The following AUTS2 variants were observed in gnomAD, a reference collection of about 807,000 sequenced individuals.
AUTS2 encodes autism susceptibility gene 2 protein.
A neutral mutation model predicts 112.4 loss-of-function variants in AUTS2; 17 were observed. The observed-to-expected ratio is 0.15, with a 90% CI of 0.10 to 0.23. The LOEUF (loss-of-function observed/expected upper bound fraction) is 0.23, where lower values mean the gene tolerates loss of function less well. Ranked by LOEUF, AUTS2 falls within the 10% of genes least tolerant of loss-of-function variation. The pLI is 1.00. For missense variants in AUTS2, 1,510 were observed against 1,701.6 expected (o/e 0.89, Z 1.98); for synonymous variants, 751 against 702.7 (o/e 1.07, Z -1.09).
At chr7:69,632,928 A>G (rs1794334556) in intron 1 of AUTS2, among the ~76,000 whole-genome samples, 1 of 152,168 alleles carries the variant, frequency 6.6e-6, no homozygotes, top group South Asian at 2.1e-4. Context: ...TAAAAAGGTT[A>G]CTATATATAG....
intron 3 of AUTS2, among the ~76,000 whole-genome samples, chr7:70,124,485 C>A (rs1266139492): frequency 1.3e-5 from 2 of 151,626 alleles, no homozygotes; most frequent in African/African-American, 4.8e-5. Context: ...TTTTATAGTT[C>A]TGGGTTTTAC....
chr7:70,183,579 G>A (rs1414107086), intron 4 of AUTS2, among the ~76,000 whole-genome samples: 1 of 152,184 alleles, frequency 6.6e-6, no homozygotes, highest in Non-Finnish European at 1.5e-5. Flanking sequence ...AGAGGGACAG[G>A]GCTATCAGCC....
At chr7:69,765,989 A>C (rs879653242) in intron 1 of AUTS2, among the ~76,000 whole-genome samples, 2 of 152,112 alleles carry the variant, frequency 1.3e-5, no homozygotes, top group Non-Finnish European at 2.9e-5. Flanking sequence ...AATAACATAA[A>C]ATTTACCATG....
intron 2 of AUTS2, among the ~76,000 whole-genome samples, chr7:70,083,984 G>T (rs1584694658): frequency 6.6e-6 from 1 of 151,516 alleles, no homozygotes; most frequent in Non-Finnish European, 1.5e-5. Flanking sequence ...ACCCCCAAAA[G>T]TTTCCTCCTT....
At chr7:70,747,047 G>A (rs1004308987) in intron 6 of AUTS2, among the ~76,000 whole-genome samples, 3 of 152,140 alleles carry the variant, frequency 2.0e-5, no homozygotes, top group African/African-American at 7.2e-5. Context: ...AGTGGAAGGG[G>A]GTGGGTGTGA....
Position 69,826,191 on chromosome 7 carries a change from A to G in AUTS2, c.310-73095A>G, listed in dbSNP as rs548365044. 5.9e-5 allele frequency among the ~76,000 whole-genome samples: 9 copies of G among 152,338 alleles called. No homozygotes were observed. In the South Asian group the frequency reaches 1.9e-3, roughly 32 times the overall value. Reference sequence around the variant, plus strand: ...TTTTTTGGTTTGTAGATTGAGAAGTATATTAAGTAAGGATAACCCCTTATA... The same window carrying G: ...TTTTTTGGTTTGTAGATTGAGAAGTGTATTAAGTAAGGATAACCCCTTATA... On this transcript the variant is annotated intron_variant, in intron 1 of 18. Transcript: ENST00000342771.
intron 5 of AUTS2, among the ~76,000 whole-genome samples, chr7:70,496,591 C>G (rs1272017156): frequency 2.3e-5 from 3 of 128,018 alleles, no homozygotes; most frequent in African/African-American, 8.9e-5. Flanking sequence ...GTCACATCAG[C>G]ATCAATCACA....
At chr7:70,056,498 C>T (rs1312984885) in intron 2 of AUTS2, among the ~76,000 whole-genome samples, 1 of 152,172 alleles carries the variant, frequency 6.6e-6, no homozygotes, top group East Asian at 1.9e-4. Flanking sequence ...TTTCTTATCA[C>T]TTGTTCTGTG....
At chr7:69,809,574 C>T (rs993092267) in intron 1 of AUTS2, among the ~76,000 whole-genome samples, 1 of 152,198 alleles carries the variant, frequency 6.6e-6, no homozygotes, top group African/African-American at 2.4e-5. Context: ...TACCCATGCT[C>T]AGAACCTGGG....
At chr7:70,674,249 A>G (rs577711959) in intron 5 of AUTS2, among the ~76,000 whole-genome samples, 26 of 152,338 alleles carry the variant, frequency 1.7e-4, no homozygotes, top group African/African-American at 6.3e-4. Context: ...TCATGCCTTC[A>G]TATTCACAAA....
At chr7:70,246,370 G>T (rs562983122) in intron 4 of AUTS2, among the ~76,000 whole-genome samples, 17 of 152,158 alleles carry the variant, frequency 1.1e-4, no homozygotes, top group Admixed American at 1.0e-3. Flanking sequence ...CTTCATGTAT[G>T]ATGTGAGGTA....
At chr7:69,708,964 G>A (rs2129198609) in intron 1 of AUTS2, among the ~76,000 whole-genome samples, 1 of 152,222 alleles carries the variant, frequency 6.6e-6, no homozygotes, top group Middle Eastern at 3.4e-3. Context: ...TATCAGCTCT[G>A]CCAAAAGTAG....
At chr7:70,499,635 G>T (rs968421541) in intron 5 of AUTS2, among the ~76,000 whole-genome samples, 1 of 152,234 alleles carries the variant, frequency 6.6e-6, no homozygotes, top group Non-Finnish European at 1.5e-5. Context: ...CACAGTCATC[G>T]ATGGGAATGT....
At chr7:70,420,104 C>CA (rs1456891876) in intron 4 of AUTS2, among the ~76,000 whole-genome samples, 2 of 152,234 alleles carry the variant, frequency 1.3e-5, no homozygotes, top group East Asian at 3.8e-4. Flanking sequence ...GCTTTCTACA[C>CA]AGTCAGCTTG....
intron 1 of AUTS2, among the ~76,000 whole-genome samples, chr7:69,720,986 A>T (rs914857731): frequency 4.6e-5 from 7 of 152,226 alleles, no homozygotes; most frequent in Admixed American, 4.6e-4. Flanking sequence ...AGACTTACAC[A>T]GCAGCAAAAA....
intron 4 of AUTS2, among the ~76,000 whole-genome samples, chr7:70,180,926 T>C (rs953729956): frequency 5.3e-5 from 8 of 152,214 alleles, no homozygotes; most frequent in African/African-American, 1.7e-4. Context: ...TGTAATATAA[T>C]AGGCTTCCAT....
chr7:69,805,278 G>A (rs1205167076), intron 1 of AUTS2, among the ~76,000 whole-genome samples: 1 of 152,194 alleles, frequency 6.6e-6, no homozygotes, highest in Non-Finnish European at 1.5e-5. Context: ...CTCAATGTTG[G>A]CATTTTTGAA....
chr7:70,094,442 A>G (rs1311770318), intron 2 of AUTS2, among the ~76,000 whole-genome samples: 1 of 152,206 alleles, frequency 6.6e-6, no homozygotes, highest in East Asian at 1.9e-4. Context: ...TAAAGAAGCA[A>G]AGGAAACATA....
At chr7:70,106,413 T>C (rs549175029) in intron 2 of AUTS2, among the ~76,000 whole-genome samples, 1 of 152,278 alleles carries the variant, frequency 6.6e-6, no homozygotes, top group Admixed American at 6.5e-5. Context: ...TATGAATGAT[T>C]CATTCAGTAT....
Sources: gnomAD v4.1 joint callset for allele counts (sites outside exome capture counted in the v4.1 genomes callset) on GRCh38, gnomAD v4.1.1 for gene constraint, MANE v1.5 for transcripts, NCBI Gene and HGNC (gene_info 2026-07-23, HGNC 2026-07-21) for gene names.